TMCO5A: variants seen among roughly 807,000 people sequenced by gnomAD.
The protein encoded by TMCO5A is transmembrane and coiled-coil domain-containing protein 5A.
A neutral mutation model predicts 42.3 loss-of-function variants in TMCO5A; 34 were observed. The observed-to-expected ratio is 0.80, with a 90% CI of 0.61 to 1.07. TMCO5A has a LOEUF of 1.07. Among genes scored for constraint, TMCO5A ranks in the 50% least tolerant of loss-of-function variants. TMCO5A has a pLI of 0.00. For missense variants in TMCO5A, 357 were observed against 327.9 expected, an observed-to-expected ratio of 1.09 and a Z score of -0.69; for synonymous variants, 131 against 115.6, an observed-to-expected ratio of 1.13 and a Z score of -0.86.
the TMCO5A span, among the ~76,000 whole-genome samples, chr15:38,038,324 C>A: frequency 9.9e-5 from 15 of 152,210 alleles, no homozygotes; most frequent in African/African-American, 2.9e-4. Flanking sequence ...ATAAGGGGAA[C>A]CACAGTTGAT....
the TMCO5A span, among the ~76,000 whole-genome samples, chr15:38,021,075 A>T: frequency 6.6e-6 from 1 of 152,210 alleles, no homozygotes. Context: ...AAAACAATGG[A>T]TACTTCCTAC....
At chr15:37,994,900 G>A in the TMCO5A span, among the ~76,000 whole-genome samples, 1 of 152,174 alleles carries the variant, frequency 6.6e-6, no homozygotes, top group East Asian at 1.9e-4. Context: ...ATCAAAGAGA[G>A]CAAACGTCAG....
chr15:37,959,791 G>A (rs984599292), intron 11 of TMCO5A, among the ~76,000 whole-genome samples: 1 of 151,828 alleles, frequency 6.6e-6, no homozygotes, highest in African/African-American at 2.4e-5. Context: ...CCACTTTCAT[G>A]ACTGTTATTC....
the TMCO5A span, among the ~76,000 whole-genome samples, chr15:38,022,563 T>C: frequency 1.3e-5 from 2 of 152,188 alleles, no homozygotes; most frequent in East Asian, 1.9e-4. Flanking sequence ...TATGATACTA[T>C]AGTGGTGGCT....
At chr15:38,030,080 A>G in the TMCO5A span, among the ~76,000 whole-genome samples, 3 of 152,294 alleles carry the variant, frequency 2.0e-5, no homozygotes, top group South Asian at 6.2e-4. Context: ...TCCAGCCTCC[A>G]TGGTAAGGAG....
At chr15:38,005,122 C>T in the TMCO5A span, among the ~76,000 whole-genome samples, 1 of 152,006 alleles carries the variant, frequency 6.6e-6, no homozygotes, top group Non-Finnish European at 1.5e-5. Flanking sequence ...CTCATTTGTG[C>T]CACCAGTATG....
chr15:38,001,197 A>G, the TMCO5A span, among the ~76,000 whole-genome samples: 1 of 152,094 alleles, frequency 6.6e-6, no homozygotes, highest in Admixed American at 6.5e-5. Context: ...GGGTGCATAT[A>G]CATTTAAAAT....
chr15:37,999,645 T>C, the TMCO5A span, among the ~76,000 whole-genome samples: 1 of 152,206 alleles, frequency 6.6e-6, no homozygotes, highest in Non-Finnish European at 1.5e-5. Context: ...CCTCATTCAG[T>C]GTTATACTAG....
At chr15:37,937,963 T>C (rs771767487) in intron 5 of TMCO5A, among the ~76,000 whole-genome samples, 195 bp from the exon 6 acceptor site, 1 of 152,038 alleles carries the variant, frequency 6.6e-6, no homozygotes, top group Non-Finnish European at 1.5e-5. Flanking sequence ...GAGTGGACTC[T>C]AGCATCAGTG....
chr15:37,970,744 C>G (rs1312924457), downstream of TMCO5A, among the ~76,000 whole-genome samples: 1 of 152,164 alleles, frequency 6.6e-6, no homozygotes, highest in Non-Finnish European at 1.5e-5. Context: ...AACAAAGGGG[C>G]TACAGGCCCC....
At chr15:37,974,139 G>T in the TMCO5A span, among the ~76,000 whole-genome samples, 2 of 151,988 alleles carry the variant, frequency 1.3e-5, no homozygotes, top group East Asian at 1.9e-4. Context: ...TTATTTTTTT[G>T]ATGTCTTGCT....
In TMCO5A at chr15:37,936,918, C is replaced by T. The variant is rs768532037; in HGVS notation, c.212C>T (p.Thr71Met). 2.0e-5 allele frequency: 32 copies of T among 1,612,420 alleles called. No homozygotes were observed. Among genetic ancestry groups the T allele is most frequent in the Non-Finnish European group, 2.5e-5 (29 of 1,179,146 alleles). The change falls in exon 4 of 12, where the codon ACG (threonine) becomes ATG (methionine). Residue 71 changes from threonine to methionine, a missense_variant. Transcript: ENST00000319669. ...GAGTGGGAGAAGGAGAACCGCACCA[C>T]GATGGAAAGGGAAAGAGCCTTGCAG... ...DEEWEKENRT[T>M]MERERALQEL...
chr15:38,007,965 G>A, the TMCO5A span, among the ~76,000 whole-genome samples: 514 of 129,964 alleles, frequency 4.0e-3, 2 homozygotes, highest in African/African-American at 0.014. Context: ...GCACGATCTC[G>A]GCTCACTGCA....
intron 10 of TMCO5A, among the ~76,000 whole-genome samples, chr15:37,947,426 C>A (rs1190048192): frequency 6.6e-6 from 1 of 151,980 alleles, no homozygotes; most frequent in Non-Finnish European, 1.5e-5. Context: ...CATCCTTTGT[C>A]TTTCTGTGCC....
rs1595584032 is a variant in TMCO5A, at chr15:37,936,889, T to C, written c.183T>C (p.Asp61=). The C allele has an allele frequency of 1.2e-6, 2 of 1,612,284 alleles. No homozygotes were observed. The highest frequency in any genetic ancestry group is 2.2e-5 in the East Asian group (1 of 44,698). Reference sequence around the variant, plus strand: ...TTCAGACGCGGGGCCTGGTGGAAGATGAAGAGTGGGAGAAGGAGAACCGCA... The same window carrying C: ...TTCAGACGCGGGGCCTGGTGGAAGACGAAGAGTGGGAGAAGGAGAACCGCA... ...EIIQTRGLVE[D]EEWEKENRTT... is the part of the protein sequence containing the mutation. Residue 61 remains aspartate (D), a synonymous_variant, in exon 4 of 12, where the codon GAT becomes GAC. Transcript: ENST00000319669.
chr15:37,993,987 G>A, the TMCO5A span, among the ~76,000 whole-genome samples: 3,635 of 152,312 alleles, frequency 0.024, 149 homozygotes, highest in African/African-American at 0.08. Context: ...TAGGTAGGAA[G>A]ACAGATTCCT....
exon 12 of TMCO5A, chr15:37,966,723 G>T: frequency 1.4e-6 from 1 of 702,676 alleles, no homozygotes; most frequent in Non-Finnish European, 2.6e-6. Context: ...TTTCCAACAG[G>T]TTCAGCAGTA....
the TMCO5A span, among the ~76,000 whole-genome samples, chr15:37,986,073 C>A: frequency 7.9e-5 from 12 of 152,014 alleles, no homozygotes; most frequent in Admixed American, 6.6e-5. Flanking sequence ...TTGGGTTACA[C>A]AGATAACTAG....
the TMCO5A span, among the ~76,000 whole-genome samples, chr15:37,996,885 C>T: frequency 1.8e-4 from 28 of 152,212 alleles, no homozygotes; most frequent in African/African-American, 6.7e-4. Context: ...CCCCTGTGGC[C>T]CTTTTACATG....
Sources: gnomAD v4.1 joint callset for allele counts (sites outside exome capture counted in the v4.1 genomes callset) on GRCh38, gnomAD v4.1.1 for gene constraint, MANE v1.5 for transcripts, NCBI Gene and HGNC (gene_info 2026-07-23, HGNC 2026-07-21) for gene names.